The following CAMK4 variants were observed in gnomAD, a reference collection of about 807,000 sequenced individuals.
The protein encoded by CAMK4 is calcium/calmodulin-dependent protein kinase type IV.
In CAMK4, 22 loss-of-function variants were observed where a neutral mutation model predicts 44.9. The observed-to-expected ratio is 0.49, with a 90% CI of 0.35 to 0.70. The LOEUF (loss-of-function observed/expected upper bound fraction) is 0.70. CAMK4 is among the 30% of genes least tolerant of loss of function. CAMK4 has a pLI of 0.01. For synonymous variants in CAMK4, 218 were observed against 215.4 expected (o/e 1.01, Z -0.11); for missense variants, 498 against 586.8 (o/e 0.85, Z 1.56).
At chr5:111,321,221 C>G (rs1190560669) in intron 1 of CAMK4, among the ~76,000 whole-genome samples, 6 of 152,094 alleles carry the variant, frequency 3.9e-5, no homozygotes, top group Non-Finnish European at 7.4e-5. Context: ...TGCTGGCTGT[C>G]AAAAACAGTT....
At chr5:111,256,911 T>C (rs987983529) in intron 1 of CAMK4, among the ~76,000 whole-genome samples, 1 of 152,184 alleles carries the variant, frequency 6.6e-6, no homozygotes, top group Non-Finnish European at 1.5e-5. Flanking sequence ...CCAGCAGTCC[T>C]TCAGACAAAT....
At chr5:111,246,617 C>T (rs1197609752) in intron 1 of CAMK4, among the ~76,000 whole-genome samples, 2 of 152,146 alleles carry the variant, frequency 1.3e-5, no homozygotes, top group Non-Finnish European at 2.9e-5. Flanking sequence ...TTAAGTCCTC[C>T]TACTGGCAGC....
In CAMK4 at chr5:111,335,613, C is replaced by A. The variant is rs1158330686; in HGVS notation, c.162-8411C>A. ...TTAAGGCCAACTGACAGATGAAGAG[C>A]CCCTTTCTACACTACGTAGTCCTAA... On this transcript the variant is annotated intron_variant, in intron 1 of 10. Coordinates refer to ENST00000282356, the MANE Select transcript of CAMK4 (RefSeq NM_001744.6). Among the ~76,000 whole-genome samples, 3 of 151,232 alleles carry A rather than the reference C, an allele frequency of 2.0e-5. No individual in the cohort carries two copies. The East Asian group carries it at 5.9e-4, about 30-fold the overall frequency.
intron 1 of CAMK4, among the ~76,000 whole-genome samples, chr5:111,245,743 C>T (rs775816577): frequency 3.3e-5 from 5 of 152,204 alleles, no homozygotes; most frequent in Non-Finnish European, 4.4e-5. Context: ...AAGATGACTG[C>T]TGTGTGTGCC....
At chr5:111,259,441 A>C (rs1328660420) in intron 1 of CAMK4, among the ~76,000 whole-genome samples, 1 of 152,220 alleles carries the variant, frequency 6.6e-6, no homozygotes, top group Admixed American at 6.5e-5. Context: ...CCTGAAAGAT[A>C]TTTGCACTGA....
chr5:111,410,860 A>G (rs1320105777), intron 5 of CAMK4, among the ~76,000 whole-genome samples: 1 of 152,122 alleles, frequency 6.6e-6, no homozygotes, highest in Non-Finnish European at 1.5e-5. Context: ...TTGACCGTGG[A>G]ACTTTGATTT....
chr5:111,464,453 G>T (rs1437880187), intron 7 of CAMK4, among the ~76,000 whole-genome samples: 4 of 152,158 alleles, frequency 2.6e-5, no homozygotes, highest in Non-Finnish European at 5.9e-5. Context: ...CCTTGCTAGA[G>T]ATCTAGACAT....
At chr5:111,450,311 G>A (rs1754183013) in intron 7 of CAMK4, among the ~76,000 whole-genome samples, 1 of 152,226 alleles carries the variant, frequency 6.6e-6, no homozygotes, top group African/African-American at 2.4e-5. Context: ...TACAGCCTGG[G>A]CGACAGAGAC....
At position 111,453,398 on chromosome 5, in the gene CAMK4, C is replaced by T. The variant is rs567446771; in HGVS notation, c.625+4195C>T. Among the ~76,000 whole-genome samples, 4 of 152,266 alleles carry T rather than the reference C, an allele frequency of 2.6e-5. No homozygotes were observed. The East Asian group carries it at 7.7e-4, about 29-fold the overall frequency. On this transcript the variant is annotated intron_variant, in intron 7 of 10. Coordinates refer to ENST00000282356, the MANE Select transcript of CAMK4 (RefSeq NM_001744.6). ...ATTGTTAACAGGTAAAGCTAAAACCCTCTCTGAAGATCAGTTCTAGCCCTT... is the reference window on the plus strand; with the variant it reads ...ATTGTTAACAGGTAAAGCTAAAACCTTCTCTGAAGATCAGTTCTAGCCCTT...
chr5:111,383,246 G>A (rs916848902), intron 4 of CAMK4, among the ~76,000 whole-genome samples: 12 of 152,148 alleles, frequency 7.9e-5, no homozygotes, highest in Admixed American at 7.9e-4. Flanking sequence ...TCAGATAAAC[G>A]GATTTGGTTT....
At chr5:111,302,104 T>G (rs1055780196) in intron 1 of CAMK4, 7 of 152,208 alleles carry the variant, frequency 4.6e-5, no homozygotes, top group Non-Finnish European at 1.0e-4. Context: ...AAAGAAATCT[T>G]AAAACATTTT....
intron 1 of CAMK4, among the ~76,000 whole-genome samples, chr5:111,268,612 C>A (rs17133020): frequency 0.25 from 38,129 of 152,072 alleles, 5,878 homozygotes; most frequent in African/African-American, 0.44. Context: ...TTTGAGGAAG[C>A]TAAACTCAAG....
intron 1 of CAMK4, among the ~76,000 whole-genome samples, chr5:111,245,797 A>G (rs1419177039): frequency 6.6e-6 from 1 of 152,280 alleles, no homozygotes; most frequent in Admixed American, 6.5e-5. Context: ...GATATAAACA[A>G]AACTTAACAC....
chr5:111,289,828 T>C lies in CAMK4; in HGVS notation c.162-54196T>C, dbSNP rs112264914. On this transcript the variant is annotated intron_variant, in intron 1 of 10. Coordinates refer to ENST00000282356, the MANE Select transcript of CAMK4 (RefSeq NM_001744.6). The stretch of plus-strand genomic sequence containing the variant: ...ACATTCATACTTCTCCCCATCCCCA[T>C]TGTGTAGCAGAAATGCTAGCTCTCA... Among the ~76,000 whole-genome samples, 562 of 152,330 alleles carry C rather than the reference T, an allele frequency of 3.7e-3. 3 individuals are homozygous for C. The highest frequency in any genetic ancestry group is 6.8e-3 in the Middle Eastern group (2 of 294).
rs184622589 is a variant in CAMK4, at chr5:111,464,087, A to T, written c.626-9224A>T. Among the ~76,000 whole-genome samples, 718 of 151,672 alleles carry T rather than the reference A, an allele frequency of 4.7e-3. 4 individuals are homozygous for T. The highest frequency in any genetic ancestry group is 0.02 in the Middle Eastern group (6 of 294). ...AAGGTGAAGTCCAATTAAATGAAAT[A>T]AAAAAAATGAGATATGAAGGGAAAA... On this transcript the variant is annotated intron_variant, in intron 7 of 10. Coordinates refer to ENST00000282356, the MANE Select transcript of CAMK4 (RefSeq NM_001744.6).
chr5:111,300,158 C>A lies in CAMK4; in HGVS notation c.162-43866C>A, dbSNP rs1032008329. On this transcript the variant is annotated intron_variant, in intron 1 of 10. Coordinates refer to ENST00000282356, the MANE Select transcript of CAMK4 (RefSeq NM_001744.6). Reference sequence around the variant, plus strand: ...ATGGAGTGATGAAGTTAATTGAAATCACAGAAATGATAAAACAATTGTATA... The same window carrying A: ...ATGGAGTGATGAAGTTAATTGAAATAACAGAAATGATAAAACAATTGTATA... Among the ~76,000 whole-genome samples the A allele has an allele frequency of 2.0e-5, 3 of 152,158 alleles. No individual in the cohort carries two copies. The South Asian group carries it at 6.2e-4, about 32-fold the overall frequency.
intron 5 of CAMK4, among the ~76,000 whole-genome samples, chr5:111,408,105 TCAAA>T (rs1244300170): frequency 2.2e-4 from 33 of 147,054 alleles, no homozygotes; most frequent in African/African-American, 8.3e-4. Flanking sequence ...TGAGACTCCA[TCAAA>T]GAAAGAAAGA....
intron 2 of CAMK4, among the ~76,000 whole-genome samples, chr5:111,349,134 G>A (rs1441900843): frequency 6.6e-6 from 1 of 151,834 alleles, no homozygotes; most frequent in East Asian, 1.9e-4. Context: ...AGTGATTCTT[G>A]TACTGAAGAA....
At position 111,442,517 on chromosome 5, in the gene CAMK4, C is replaced by CATATATAT. The variant is rs58032491; in HGVS notation, c.460-4149_460-4142dup. 2.2e-4 allele frequency among the ~76,000 whole-genome samples: 31 copies of CATATATAT among 142,070 alleles called. No homozygotes were observed. The East Asian group carries it at 3.1e-3, about 14-fold the overall frequency. The allele number at this position is 142,070 out of a possible 152,430, so 93.2% of individuals were successfully genotyped here. A position where few individuals can be genotyped will look rare whatever the true frequency, so the allele number is the denominator to read the frequency against. On this transcript the variant is annotated intron_variant, in intron 5 of 10. Coordinates refer to ENST00000282356, the MANE Select transcript of CAMK4 (RefSeq NM_001744.6). ...AAAACAAACAAACAAAAAACCAAAACATATATATATATATATATATATATA... is the reference window on the plus strand; with the variant it reads ...AAAACAAACAAACAAAAAACCAAAACATATATATATATATATATATATATATATATATA...
Sources: gnomAD v4.1 joint callset for allele counts (sites outside exome capture counted in the v4.1 genomes callset) on GRCh38, gnomAD v4.1.1 for gene constraint, MANE v1.5 for transcripts, NCBI Gene and HGNC (gene_info 2026-07-23, HGNC 2026-07-21) for gene names.